RPTOR: variants seen among roughly 807,000 people sequenced by gnomAD.
RPTOR encodes the protein regulatory-associated protein of mTOR.
A neutral mutation model predicts 169.9 loss-of-function variants in RPTOR; 21 were observed. That is an observed-to-expected ratio of 0.12 (90% CI 0.09 to 0.18). The LOEUF is 0.18. Among genes scored for constraint, RPTOR ranks in the 10% least tolerant of loss-of-function variants. RPTOR has a pLI of 1.00. For synonymous variants in RPTOR, 732 were observed against 753.2 expected (o/e 0.97, Z 0.46); for missense variants, 1,133 against 1,855.9 (o/e 0.61, Z 7.16).
intron 11 of RPTOR, among the ~76,000 whole-genome samples, chr17:80,854,739 CAAA>C (rs1476906913): frequency 2.0e-4 from 31 of 152,128 alleles, no homozygotes; most frequent in African/African-American, 6.8e-4. Flanking sequence ...ATAAAAAATA[CAAA>C]AATTAACCAG....
intron 13 of RPTOR, among the ~76,000 whole-genome samples, chr17:80,866,120 T>C (rs1212219622): frequency 2.0e-5 from 3 of 150,148 alleles, no homozygotes; most frequent in Non-Finnish European, 4.4e-5. Flanking sequence ...TACATAGATA[T>C]TATAAGTCGT....
chr17:80,623,849 T>C (rs1263719392), intron 1 of RPTOR, among the ~76,000 whole-genome samples: 1 of 152,210 alleles, frequency 6.6e-6, no homozygotes, highest in Non-Finnish European at 1.5e-5. Flanking sequence ...CTTTTCTTTA[T>C]GCTAGGAACA....
chr17:80,738,354 C>T (rs1171858538), intron 5 of RPTOR, among the ~76,000 whole-genome samples: 1 of 152,236 alleles, frequency 6.6e-6, no homozygotes, highest in Non-Finnish European at 1.5e-5. Flanking sequence ...CTTCTCTGTG[C>T]CCATGCACCA....
At chr17:80,558,106 A>G (rs1030518498) in intron 1 of RPTOR, among the ~76,000 whole-genome samples, 1 of 151,622 alleles carries the variant, frequency 6.6e-6, no homozygotes, top group Non-Finnish European at 1.5e-5. Flanking sequence ...TTGAGACCAG[A>G]CTGGGCAATG....
At chr17:80,941,024 G>GGAGCAT (rs2069019477) in intron 25 of RPTOR, among the ~76,000 whole-genome samples, 1 of 152,206 alleles carries the variant, frequency 6.6e-6, no homozygotes, top group Non-Finnish European at 1.5e-5. Context: ...GACAGGTGTC[G>GGAGCAT]TTGCGCCAGG....
intron 1 of RPTOR, among the ~76,000 whole-genome samples, chr17:80,605,231 G>C (rs966496021): frequency 6.6e-5 from 10 of 152,220 alleles, no homozygotes; most frequent in Middle Eastern, 3.2e-3. Flanking sequence ...AGGAAGAAAG[G>C]CTGTTTCGTT....
At chr17:80,781,732 G>C (rs2066944169) in intron 6 of RPTOR, among the ~76,000 whole-genome samples, 2 of 152,224 alleles carry the variant, frequency 1.3e-5, no homozygotes, top group Admixed American at 6.5e-5. Context: ...CCTCCTTATA[G>C]GGAGAGACCT....
At chr17:80,762,230 C>T (rs1032832237) in intron 6 of RPTOR, among the ~76,000 whole-genome samples, 8 of 152,208 alleles carry the variant, frequency 5.3e-5, no homozygotes, top group African/African-American at 1.7e-4. Flanking sequence ...TGGAGGGGCA[C>T]GGGCTGCTGA....
At chr17:80,719,666 G>C (rs1011020189) in intron 4 of RPTOR, among the ~76,000 whole-genome samples, 1 of 152,150 alleles carries the variant, frequency 6.6e-6, no homozygotes, top group Non-Finnish European at 1.5e-5. Context: ...CTCCTGAAGG[G>C]GGTTCTTGAA....
intron 3 of RPTOR, among the ~76,000 whole-genome samples, chr17:80,656,260 G>A (rs1383297964): frequency 1.3e-5 from 2 of 152,124 alleles, no homozygotes; most frequent in East Asian, 3.9e-4. Flanking sequence ...TAGCAGAGAT[G>A]GAGTTTCACC....
In RPTOR at chr17:80,957,534, G is replaced by A. The variant is rs1259080596; in HGVS notation, c.3371-90G>A. 1 of 1,213,000 alleles carries A rather than the reference G, an allele frequency of 8.2e-7. No homozygotes were observed. The highest frequency in any genetic ancestry group is 1.7e-5 in the Admixed American group (1 of 58,874). 75.1% of individuals were successfully genotyped at this position (1,213,000 alleles called of 1,614,324 possible). A position where few individuals can be genotyped will look rare whatever the true frequency, so the allele number is the denominator to read the frequency against. On this transcript the variant is annotated intron_variant, in intron 28 of 33. Transcript: ENST00000306801. This position sits in a 1 kb window ranked among gnomAD's most constrained non-coding sequence, Gnocchi z 4.6. ...ATGGTGGCAGGGGTACCTTGTAGCT[G>A]CTGGCCAAATTGCTGCCCAGAGCAG...
In RPTOR at chr17:80,945,145, A is replaced by T. The variant is rs543215001; in HGVS notation, c.3026-522A>T. On this transcript the variant is annotated intron_variant, in intron 25 of 33. Transcript: ENST00000306801. ...CCTGTCTCAACAAAAAACAAAAAAAAGTAGCCAGGTGTGGCGGTGCGCGCC... is the reference window on the plus strand; with the variant it reads ...CCTGTCTCAACAAAAAACAAAAAAATGTAGCCAGGTGTGGCGGTGCGCGCC... 8.2e-4 allele frequency among the ~76,000 whole-genome samples: 124 copies of T among 152,094 alleles called. 1 individual carries two copies. The highest frequency in any genetic ancestry group is 1.2e-3 in the Admixed American group (19 of 15,272).
rs191054291 is a variant in RPTOR, at chr17:80,686,685, A to T, written c.349-21156A>T. Among the ~76,000 whole-genome samples the T allele has an allele frequency of 2.0e-3, 308 of 152,234 alleles. 4 individuals carry two copies. The highest frequency in any genetic ancestry group is 0.019 in the Admixed American group (298 of 15,284). ...AGGCTGGAAAGAAAGGCTCTCTTCT[A>T]ACGAGGCCGGTGTCTCAAGCACTCC... On this transcript the variant is annotated intron_variant, in intron 3 of 33. Coordinates refer to ENST00000306801, the MANE Select transcript of RPTOR (RefSeq NM_020761.3).
intron 21 of RPTOR, among the ~76,000 whole-genome samples, chr17:80,917,301 C>T (rs951582430): frequency 1.3e-4 from 20 of 151,932 alleles, no homozygotes; most frequent in African/African-American, 4.1e-4. Flanking sequence ...TTAGTAGAGA[C>T]GGGGTTTCAC....
chr17:80,649,647 CT>C (rs1374840655), intron 3 of RPTOR, among the ~76,000 whole-genome samples: 1 of 152,176 alleles, frequency 6.6e-6, no homozygotes, highest in African/African-American at 2.4e-5. Context: ...TTCTGGTGGT[CT>C]TGGGGTTAAC....
At chr17:80,631,308 G>T (rs2065440169) in intron 2 of RPTOR, among the ~76,000 whole-genome samples, 1 of 152,146 alleles carries the variant, frequency 6.6e-6, no homozygotes, top group Admixed American at 6.5e-5. Context: ...TCCACACTCT[G>T]TGCTGCCTCC....
intron 14 of RPTOR, among the ~76,000 whole-genome samples, chr17:80,882,985 A>C (rs2068202501): frequency 6.6e-6 from 1 of 152,250 alleles, no homozygotes; most frequent in Non-Finnish European, 1.5e-5. Flanking sequence ...GTCACAGTAG[A>C]GCAGAAAGGA....
At chr17:80,670,304 C>T (rs969604160) in intron 3 of RPTOR, among the ~76,000 whole-genome samples, 2 of 152,172 alleles carry the variant, frequency 1.3e-5, no homozygotes, top group African/African-American at 4.8e-5. Context: ...GTCCCTTGTC[C>T]GTGTCGGGAA....
chr17:80,876,070 T>C (rs1211701706), intron 13 of RPTOR, among the ~76,000 whole-genome samples: 4 of 107,536 alleles, frequency 3.7e-5, no homozygotes, highest in Admixed American at 1.8e-4. Flanking sequence ...ACCGAGCCCG[T>C]GCCACGCAGG....
Sources: allele counts gnomAD v4.1 joint callset (sites outside exome capture counted in the v4.1 genomes callset), GRCh38; gene constraint gnomAD v4.1.1; non-coding constraint Gnocchi (gnomAD v3.1); transcripts MANE v1.5; gene names NCBI Gene and HGNC (gene_info 2026-07-23, HGNC 2026-07-21).